The following RBPJ variants were observed in gnomAD, a reference collection of about 807,000 sequenced individuals.
RBPJ encodes the protein recombination signal binding protein for immunoglobulin kappa J region.
RBPJ carries 9 observed loss-of-function variants against 67.8 expected under a neutral mutation model. The observed-to-expected ratio is 0.13, with a 90% CI of 0.08 to 0.23. The LOEUF is 0.23. RBPJ is among the 10% of genes least tolerant of loss of function. The pLI, the probability that RBPJ is intolerant of heterozygous loss-of-function variation, is 1.00. For missense variants in RBPJ, 305 were observed against 595.6 expected, an observed-to-expected ratio of 0.51 and a Z score of 5.08; for synonymous variants, 198 against 203.3, an observed-to-expected ratio of 0.97 and a Z score of 0.22.
intron 3 of RBPJ, among the ~76,000 whole-genome samples, chr4:26,412,364 T>A (rs1373796191): frequency 1.3e-5 from 2 of 152,058 alleles, no homozygotes; most frequent in Non-Finnish European, 2.9e-5. Flanking sequence ...CCTGAGTAAC[T>A]GGGACTACAG....
intron 1 of RBPJ, among the ~76,000 whole-genome samples, chr4:26,291,663 G>T (rs943158711): frequency 4.7e-5 from 7 of 149,518 alleles, no homozygotes; most frequent in African/African-American, 7.4e-5. Flanking sequence ...TGCAACCTCC[G>T]CCTCCTGGGT....
At chr4:26,316,827 C>CTTTTTTTTTTTTTTTTTT (rs56130072), upstream of RBPJ, among the ~76,000 whole-genome samples, 4 of 71,396 alleles carry the variant, frequency 5.6e-5, 2 homozygotes, top group African/African-American at 1.1e-4. Flanking sequence ...ACCCAGACGA[C>CTTTTTTTTTTTTTTTTTT]TTTTTTTTTT....
chr4:26,327,436 A>G (rs1723744590), intron 1 of RBPJ, among the ~76,000 whole-genome samples: 1 of 152,164 alleles, frequency 6.6e-6, no homozygotes, highest in Non-Finnish European at 1.5e-5. Flanking sequence ...TAAAATATAG[A>G]AAACACATTT....
chr4:26,305,614 A>G (rs6844691), intron 1 of RBPJ, among the ~76,000 whole-genome samples: 28,854 of 151,916 alleles, frequency 0.19, 4,258 homozygotes, highest in African/African-American at 0.4. Context: ...TGCTATTGGA[A>G]ATGGGATTGT....
chr4:26,360,198 T>C (rs1167342671), intron 1 of RBPJ, among the ~76,000 whole-genome samples: 2 of 152,244 alleles, frequency 1.3e-5, no homozygotes, highest in Non-Finnish European at 2.9e-5. Flanking sequence ...AATGGAAAAT[T>C]GGATATACCA....
upstream of RBPJ, among the ~76,000 whole-genome samples, chr4:26,320,242 G>C (rs1178444726): frequency 6.6e-6 from 1 of 152,220 alleles, no homozygotes; most frequent in Non-Finnish European, 1.5e-5. Context: ...GCGCTCTGGC[G>C]TGTGTCTGCG....
At chr4:26,221,267 T>C (rs1365266875) in intron 1 of RBPJ, among the ~76,000 whole-genome samples, 1 of 152,128 alleles carries the variant, frequency 6.6e-6, no homozygotes, top group Non-Finnish European at 1.5e-5. Context: ...ATTTTTTGTA[T>C]TTTTAGTAGA....
At chr4:26,425,458 C>G (rs889408490) in intron 7 of RBPJ, among the ~76,000 whole-genome samples, 4 of 151,200 alleles carry the variant, frequency 2.6e-5, no homozygotes, top group African/African-American at 9.8e-5. Context: ...ACCCCGCCCC[C>G]CCAAAAAAAA....
chr4:26,268,601 A>T (rs1281688361), intron 1 of RBPJ, among the ~76,000 whole-genome samples: 1 of 152,090 alleles, frequency 6.6e-6, no homozygotes, highest in East Asian at 1.9e-4. Flanking sequence ...AACTCAGGTG[A>T]TTTCACCAGA....
At chr4:26,340,182 A>G (rs1419069701) in intron 1 of RBPJ, among the ~76,000 whole-genome samples, 1 of 152,234 alleles carries the variant, frequency 6.6e-6, no homozygotes, top group African/African-American at 2.4e-5. Context: ...GGGAAAGGGT[A>G]TAAAAGGTGG....
intron 1 of RBPJ, among the ~76,000 whole-genome samples, chr4:26,250,047 A>G (rs113753711): frequency 0.17 from 25,867 of 151,702 alleles, 2,529 homozygotes; most frequent in Non-Finnish European, 0.22. Context: ...CGGCCTCCCA[A>G]AGTGCTGGGA....
chr4:26,342,478 G>A (rs1309117110), intron 1 of RBPJ, among the ~76,000 whole-genome samples: 1 of 152,136 alleles, frequency 6.6e-6, no homozygotes, highest in Non-Finnish European at 1.5e-5. Flanking sequence ...ACATCTGCTA[G>A]CGATAGTGTA....
At chr4:26,320,852 A>G (rs1376908761), upstream of RBPJ, 14 of 1,568,594 alleles carry the variant, frequency 8.9e-6, no homozygotes, top group African/African-American at 1.3e-5. Context: ...AGGATCCCCT[A>G]CTCTGCGGGC....
Position 26,264,645 on chromosome 4 carries a change from C to T in RBPJ, c.-166-97801C>T, listed in dbSNP as rs542372621. 1.3e-5 allele frequency among the ~76,000 whole-genome samples: 2 copies of T among 152,298 alleles called. No individual in the cohort carries two copies. The highest frequency in any genetic ancestry group is 3.9e-4 in the East Asian group (2 of 5,184). ...TGTCTTCCTCTCTTCCCCATCTAGC[C>T]ACACTGAAACACTGGCACTCGTCCC... On this transcript the variant is annotated intron_variant, in intron 1 of 4. Transcript: ENST00000512351. This position sits in a 1 kb window ranked among gnomAD's most constrained non-coding sequence, Gnocchi z 4.1.
At chr4:26,113,589 A>T in the RBPJ span, 18 of 411,768 alleles carry the variant, frequency 4.4e-5, no homozygotes, top group Non-Finnish European at 8.3e-5. Flanking sequence ...TGCAAAGCAC[A>T]TGGGAAATCC....
intron 1 of RBPJ, among the ~76,000 whole-genome samples, chr4:26,219,103 A>C (rs1385010384): frequency 6.6e-6 from 1 of 152,234 alleles, no homozygotes; most frequent in East Asian, 1.9e-4. Context: ...AAGTAAATTT[A>C]GAAGAAAAAA....
the RBPJ span, among the ~76,000 whole-genome samples, chr4:26,124,466 G>C: frequency 1.2e-5 from 1 of 83,506 alleles, no homozygotes; most frequent in African/African-American, 4.9e-5. Context: ...ATATATACCA[G>C]TTTCTTTATC....
At chr4:26,255,280 T>A (rs1399847192) in intron 1 of RBPJ, among the ~76,000 whole-genome samples, 1 of 136,028 alleles carries the variant, frequency 7.4e-6, no homozygotes, top group East Asian at 2.2e-4. Context: ...GGCGGGCGCC[T>A]GTAGTCCCAG....
chr4:26,121,508 A>C, the RBPJ span, among the ~76,000 whole-genome samples: 2 of 152,142 alleles, frequency 1.3e-5, no homozygotes, highest in African/African-American at 4.8e-5. Context: ...AAGAAGGAGA[A>C]GATCAGAGCC....
Sources: gnomAD v4.1 joint callset for allele counts (sites outside exome capture counted in the v4.1 genomes callset) on GRCh38, gnomAD v4.1.1 for gene constraint, Gnocchi (gnomAD v3.1) non-coding constraint, MANE v1.5 for transcripts, NCBI Gene and HGNC (gene_info 2026-07-23, HGNC 2026-07-21) for gene names.